OTOGL: variants seen among roughly 807,000 people sequenced by gnomAD.
OTOGL encodes otogelin-like protein.
In OTOGL, 285 loss-of-function variants were observed where a neutral mutation model predicts 318.5. That is an observed-to-expected ratio of 0.89 (90% CI 0.81 to 0.99). The LOEUF (loss-of-function observed/expected upper bound fraction) is 0.99, where lower values mean the gene tolerates loss of function less well. Ranked by LOEUF, OTOGL falls within the 50% of genes least tolerant of loss-of-function variation. OTOGL has a pLI of 0.00. For synonymous variants in OTOGL, 987 were observed against 936.5 expected (o/e 1.05, Z -0.99); for missense variants, 2,899 against 2,845.6 (o/e 1.02, Z -0.43).
intron 6 of OTOGL, 54 bp from the exon 7 acceptor site, chr12:80,222,037 G>T: frequency 6.6e-7 from 1 of 1,515,356 alleles, no homozygotes; most frequent in South Asian, 1.2e-5. Flanking sequence ...ACTGAACATT[G>T]CTAGAAACGT....
chr12:80,237,382 A>T (rs144387295), intron 9 of OTOGL, among the ~76,000 whole-genome samples: 1 of 152,304 alleles, frequency 6.6e-6, no homozygotes, highest in African/African-American at 2.4e-5. Flanking sequence ...GTAAAGAGTG[A>T]TGGAGCAAGT....
At chr12:80,126,304 A>C (rs1288279321) in intron 1 of OTOGL, among the ~76,000 whole-genome samples, 85 of 152,272 alleles carry the variant, frequency 5.6e-4, no homozygotes, top group East Asian at 7.7e-4. Flanking sequence ...TGTACCCAGT[A>C]GTCATTCAGG....
At chr12:80,110,566 T>C (rs1402836297) in intron 1 of OTOGL, among the ~76,000 whole-genome samples, 1 of 152,222 alleles carries the variant, frequency 6.6e-6, no homozygotes, top group Admixed American at 6.5e-5. Flanking sequence ...TCCATGTCCC[T>C]GCAAAGGACA....
At chr12:80,182,361 T>G (rs1330519757) in intron 1 of OTOGL, among the ~76,000 whole-genome samples, 1 of 152,154 alleles carries the variant, frequency 6.6e-6, no homozygotes, top group Non-Finnish European at 1.5e-5. Flanking sequence ...CAGCAGGCAA[T>G]AGAGCCAGTT....
intron 1 of OTOGL, among the ~76,000 whole-genome samples, chr12:80,186,326 A>C (rs1454359159): frequency 1.3e-5 from 2 of 152,134 alleles, no homozygotes; most frequent in Admixed American, 1.3e-4. Context: ...TTTCCTACTT[A>C]GCCGCGTCTC....
intron 1 of OTOGL, among the ~76,000 whole-genome samples, chr12:80,126,184 T>C (rs1252565449): frequency 1.3e-5 from 2 of 152,208 alleles, no homozygotes; most frequent in Non-Finnish European, 2.9e-5. Context: ...TTTAGTGCTG[T>C]AAATTTCCCT....
At chr12:80,371,160 T>G (rs1890854253) in intron 56 of OTOGL, among the ~76,000 whole-genome samples, 1 of 152,154 alleles carries the variant, frequency 6.6e-6, no homozygotes, top group African/African-American at 2.4e-5. Flanking sequence ...TTCTTATGTT[T>G]TGCTCTATCA....
chr12:80,124,964 C>T (rs993891493), intron 1 of OTOGL, among the ~76,000 whole-genome samples: 8 of 152,256 alleles, frequency 5.3e-5, no homozygotes, highest in South Asian at 4.1e-4. Context: ...TTTCTAGATA[C>T]ACAATCATGT....
intron 1 of OTOGL, among the ~76,000 whole-genome samples, chr12:80,123,448 G>A (rs539679324): frequency 6.6e-6 from 1 of 152,122 alleles, no homozygotes; most frequent in African/African-American, 2.4e-5. Flanking sequence ...GGACATTTGG[G>A]TTGGTTCCAA....
chr12:80,336,977 A>T lies in OTOGL; in HGVS notation c.4833A>T (p.Lys1611Asn), dbSNP rs773370762. Residue 1611 changes from lysine to asparagine, a missense_variant, in exon 42 of 59, where the codon AAA (lysine) becomes AAT (asparagine). Around this residue, in one of 3 missense-constraint regions of OTOGL, gnomAD observed 2,607 missense variants for 2,524.9 expected, o/e 1.03. Transcript: ENST00000547103. ...KKLNVTTPIH[K>N]IIVNRLARKV... ...TAAATGTGACAACACCCATACATAA[A>T]ATAATTGTCAATCGGTTGGCAAGAA... The T allele has an allele frequency of 3.1e-6, 5 of 1,588,462 alleles. No homozygotes were observed. The highest frequency in any genetic ancestry group is 4.3e-6 in the Non-Finnish European group (5 of 1,165,628).
At chr12:80,293,656 G>C (rs1565960497) in intron 26 of OTOGL, among the ~76,000 whole-genome samples, 1 of 150,022 alleles carries the variant, frequency 6.7e-6, no homozygotes, top group Non-Finnish European at 1.5e-5. Context: ...CATATGTTCA[G>C]CTTTTTTTTT....
At chr12:80,187,257 TTG>T (rs530207235) in intron 1 of OTOGL, among the ~76,000 whole-genome samples, 219 of 151,892 alleles carry the variant, frequency 1.4e-3, no homozygotes, top group African/African-American at 5.2e-3. Context: ...AGTGGCCAGG[TTG>T]TTTTTGTTTT....
chr12:80,270,044 G>GAAA lies in OTOGL; in HGVS notation c.2466-58_2466-57insAAA. ...ACGTTAGATTGTTGTCGAAATTCAG[G>GAAA]GAAAAAAAAAAAAACAACAGATTTG... On this transcript the variant is annotated intron_variant, in intron 22 of 58. Coordinates refer to ENST00000547103, the MANE Select transcript of OTOGL (RefSeq NM_001378609.3). The GAAA allele has an allele frequency of 2.6e-6, 3 of 1,156,250 alleles. No homozygotes were observed. The African/African-American group carries it at 7.3e-5, about 28-fold the overall frequency. The allele number at this position is 1,156,250 out of a possible 1,614,324, so 71.6% of individuals were successfully genotyped here.
intron 1 of OTOGL, among the ~76,000 whole-genome samples, chr12:80,180,832 T>G (rs1016515338): frequency 6.6e-6 from 1 of 152,198 alleles, no homozygotes; most frequent in Non-Finnish European, 1.5e-5. Flanking sequence ...TATAAGGTTA[T>G]GTATGGGTCA....
intron 54 of OTOGL, among the ~76,000 whole-genome samples, chr12:80,367,975 T>C (rs1890653903): frequency 6.6e-6 from 1 of 152,140 alleles, no homozygotes; most frequent in African/African-American, 2.4e-5. Flanking sequence ...CCTGAGGTTG[T>C]TAAACCTGCT....
intron 1 of OTOGL, among the ~76,000 whole-genome samples, chr12:80,183,181 G>A (rs1316706956): frequency 2.0e-5 from 3 of 152,104 alleles, no homozygotes; most frequent in African/African-American, 7.2e-5. Flanking sequence ...CTGAACTGTG[G>A]AGACCAACTA....
intron 1 of OTOGL, among the ~76,000 whole-genome samples, chr12:80,135,266 TCCCCTCCCCTC>T (rs1871486010): frequency 1.2e-3 from 23 of 18,720 alleles, no homozygotes; most frequent in South Asian, 5.0e-3. Context: ...TCCCCTCCCC[TCCCCTCCCCTC>T]CCCTTCCCTT....
intron 49 of OTOGL, among the ~76,000 whole-genome samples, chr12:80,357,274 T>G (rs879660519): frequency 6.6e-6 from 1 of 152,172 alleles, no homozygotes. Flanking sequence ...TCTTTAAAAC[T>G]TCATGTCCTG....
rs1474790749 is a variant in OTOGL, at chr12:80,266,505, A to C, written c.2279A>C (p.His760Pro). 6.2e-7 allele frequency: 1 copy of C among 1,613,606 alleles called. No homozygotes were observed. Among genetic ancestry groups the C allele is most frequent in the South Asian group, 1.1e-5 (1 of 91,064 alleles). Residue 760 changes from histidine (H) to proline (P), a missense_variant, in exon 21 of 59, where the codon CAT becomes CCT. This residue lies in a region of OTOGL where 2,607 missense variants were observed against 2,524.9 expected (regional missense o/e 1.03). Coordinates refer to ENST00000547103, the MANE Select transcript of OTOGL (RefSeq NM_001378609.3). ...CATCACTGTTCCTCGTTCTGCCTCC[A>C]TTCCTGCATTTCTCTCTCTTCCCCG... Reference protein sequence around the residue: ...LYHHCSSFCLHSCISLSSPEQ... With the variant: ...LYHHCSSFCLPSCISLSSPEQ...
Sources: allele counts gnomAD v4.1 joint callset (sites outside exome capture counted in the v4.1 genomes callset), GRCh38; gene constraint gnomAD v4.1.1; regional missense constraint gnomAD v4.1.1; transcripts MANE v1.5; gene names NCBI Gene and HGNC (gene_info 2026-07-23, HGNC 2026-07-21).